ILRUN: variants seen among roughly 807,000 people sequenced by gnomAD.
ILRUN encodes the protein inflammation and lipid regulator with UBA-like and NBR1-like domains, also known as protein ILRUN.
Under a neutral mutation model 33.8 loss-of-function variants are expected in ILRUN, and 3 were observed. The observed-to-expected ratio is 0.09, with a 90% confidence interval of 0.04 to 0.23. ILRUN has a LOEUF of 0.23. Ranked by LOEUF, ILRUN falls within the 10% of genes least tolerant of loss-of-function variation. The pLI is 1.00. For synonymous variants in ILRUN, 124 were observed against 138.9 expected, an observed-to-expected ratio of 0.89 and a Z score of 0.75; for missense variants, 210 against 375.1, an observed-to-expected ratio of 0.56 and a Z score of 3.64.
At chr6:34,609,804 A>G (rs1404722448) in intron 3 of ILRUN, among the ~76,000 whole-genome samples, 1 of 152,106 alleles carries the variant, frequency 6.6e-6, no homozygotes, top group African/African-American at 2.4e-5. Context: ...AATTAAAGCC[A>G]CCAGCAGCAG....
At chr6:34,614,683 C>T (rs1326640246) in intron 3 of ILRUN, among the ~76,000 whole-genome samples, 3 of 151,572 alleles carry the variant, frequency 2.0e-5, no homozygotes, top group East Asian at 3.9e-4. Context: ...CCTTGTGATT[C>T]GCTTCCAAAA....
chr6:34,663,564 TG>T (rs1562023683), intron 1 of ILRUN, among the ~76,000 whole-genome samples: 1 of 152,168 alleles, frequency 6.6e-6, no homozygotes, highest in Non-Finnish European at 1.5e-5. Flanking sequence ...TTGCCCAGAC[TG>T]GTTTTGAACT....
intron 2 of ILRUN, among the ~76,000 whole-genome samples, chr6:34,648,113 T>C (rs968648309): frequency 1.7e-4 from 26 of 152,238 alleles, no homozygotes; most frequent in African/African-American, 6.0e-4. Flanking sequence ...AGATGTGATT[T>C]TTCCTGTGAA....
At chr6:34,619,008 C>G (rs1761955693) in intron 3 of ILRUN, among the ~76,000 whole-genome samples, 1 of 152,038 alleles carries the variant, frequency 6.6e-6, no homozygotes, top group Non-Finnish European at 1.5e-5. Context: ...CAGTAGAGTA[C>G]TAAGGACAAA....
rs554347504 is a variant in ILRUN, at chr6:34,682,466, G to T, written c.158+13980C>A. On this transcript the variant is annotated intron_variant, in intron 1 of 4. Coordinates refer to ENST00000374023, the MANE Select transcript of ILRUN (RefSeq NM_024294.4). ...GTAGAGACACGGTTTCACCATATTA[G>T]CCAGGACGGTCTCGATCTCCTGACC... Among the ~76,000 whole-genome samples the T allele has an allele frequency of 3.3e-5, 5 of 150,948 alleles. No individual in the cohort carries two copies. The East Asian group carries it at 7.9e-4, about 24-fold the overall frequency.
Position 34,674,891 on chromosome 6 carries a change from C to T in ILRUN, c.159-20112G>A, listed in dbSNP as rs118055370. On this transcript the variant is annotated intron_variant, in intron 1 of 4. Coordinates refer to ENST00000374023, the MANE Select transcript of ILRUN (RefSeq NM_024294.4). The stretch of plus-strand genomic sequence containing the variant: ...CATGAGCAAGTTGGTGAGATCCCCC[C>T]ATCTCCACACACATACACACAAAAA... Among the ~76,000 whole-genome samples the T allele has an allele frequency of 2.9e-4, 44 of 152,162 alleles. No individual in the cohort carries two copies. In the East Asian group the frequency reaches 7.7e-3, roughly 27 times the overall value.
At chr6:34,676,107 G>C (rs1763223731) in intron 1 of ILRUN, among the ~76,000 whole-genome samples, 1 of 152,118 alleles carries the variant, frequency 6.6e-6, no homozygotes, top group South Asian at 2.1e-4. Context: ...TAAAAATCAA[G>C]TTTGAGAACA....
intron 1 of ILRUN, among the ~76,000 whole-genome samples, chr6:34,694,427 G>C (rs186289625): frequency 6.6e-6 from 1 of 152,162 alleles, no homozygotes; most frequent in African/African-American, 2.4e-5. Context: ...CCAGAGGTGG[G>C]AAGCAGTCAG....
At chr6:34,653,800 C>A (rs1762716488) in intron 2 of ILRUN, among the ~76,000 whole-genome samples, 1 of 151,828 alleles carries the variant, frequency 6.6e-6, no homozygotes, top group South Asian at 2.1e-4. Flanking sequence ...CAGGAAGACT[C>A]CATCTCTACA....
At chr6:34,590,701 G>T in intron 4 of ILRUN, 101 bp from the exon 5 acceptor site, 1 of 883,218 alleles carries the variant, frequency 1.1e-6, no homozygotes, top group Non-Finnish European at 1.9e-6. Flanking sequence ...TCACAAGGAA[G>T]CCCCAATCCA....
At chr6:34,596,346 C>T (rs1275495110) in intron 4 of ILRUN, among the ~76,000 whole-genome samples, 4 of 152,302 alleles carry the variant, frequency 2.6e-5, no homozygotes, top group African/African-American at 9.6e-5. Flanking sequence ...CAACCTCCAC[C>T]TCCTGGGTTC....
intron 4 of ILRUN, among the ~76,000 whole-genome samples, chr6:34,606,244 T>C (rs1014243703): frequency 2.0e-5 from 3 of 152,174 alleles, no homozygotes; most frequent in Admixed American, 6.5e-5. Flanking sequence ...GAATAAATAA[T>C]TGAGCAACAT....
rs1562033308 is a variant in ILRUN, at chr6:34,683,505, T to TATATACAC, written c.158+12940_158+12941insGTGTATAT. Among the ~76,000 whole-genome samples, 694 of 101,246 alleles carry TATATACAC rather than the reference T, an allele frequency of 6.9e-3. 8 individuals are homozygous for TATATACAC. Among genetic ancestry groups the TATATACAC allele is most frequent in the Non-Finnish European group, 8.5e-3 (474 of 55,510 alleles). The allele number at this position is 101,246 out of a possible 152,430, so 66.4% of individuals were successfully genotyped here. On this transcript the variant is annotated intron_variant, in intron 1 of 4. Transcript: ENST00000374023. ...ATATATACATATATATATACATATA[T>TATATACAC]ATATATATACATATATATATATACA...
rs145224162 is a variant in ILRUN at position 34,590,160 on chromosome 6, G to A, written c.*405C>T. The A allele has an allele frequency of 6.0e-5, 10 of 167,756 alleles. No individual in the cohort carries two copies. The East Asian group carries it at 1.4e-3, about 23-fold the overall frequency. 10.4% of individuals were successfully genotyped at this position (167,756 alleles called of 1,614,324 possible). A position where few individuals can be genotyped will look rare whatever the true frequency, so the allele number is the denominator to read the frequency against. ...TCCCTTATTTAAAAAAATAAAAGTG[G>A]GGAAAGAGGGAAAAAAATTAACATG... On this transcript the variant is annotated 3_prime_UTR_variant, in exon 5 of 5. Coordinates refer to ENST00000374023, the MANE Select transcript of ILRUN (RefSeq NM_024294.4).
chr6:34,667,938 T>C (rs994496640), intron 1 of ILRUN, among the ~76,000 whole-genome samples: 6 of 152,320 alleles, frequency 3.9e-5, no homozygotes, highest in African/African-American at 1.4e-4. Context: ...AGGGCAATTC[T>C]GGGAACAAAT....
chr6:34,649,048 T>C (rs1762610674), intron 2 of ILRUN, among the ~76,000 whole-genome samples: 1 of 152,190 alleles, frequency 6.6e-6, no homozygotes, highest in South Asian at 2.1e-4. Flanking sequence ...ACACTGGCAT[T>C]TGGCTAGGGT....
At chr6:34,604,885 T>A (rs933316755) in intron 4 of ILRUN, among the ~76,000 whole-genome samples, 2 of 152,214 alleles carry the variant, frequency 1.3e-5, no homozygotes, top group Non-Finnish European at 1.5e-5. Context: ...TACTAGACCA[T>A]GTGAAAGAGG....
intron 1 of ILRUN, among the ~76,000 whole-genome samples, chr6:34,695,630 C>T (rs1432309122): frequency 1.3e-5 from 2 of 152,152 alleles, no homozygotes; most frequent in Non-Finnish European, 2.9e-5. Context: ...CTCTCCATTC[C>T]CAGCATTCTG....
At position 34,623,315 on chromosome 6, in the gene ILRUN, A is replaced by C. The variant is rs1182911314; in HGVS notation, c.512-16411T>G. Among the ~76,000 whole-genome samples the C allele has an allele frequency of 4.6e-5, 7 of 152,322 alleles. No homozygotes were observed. In the East Asian group the frequency reaches 1.3e-3, roughly 29 times the overall value. The stretch of plus-strand genomic sequence containing the variant: ...TGTTATTTGTTGAAGGCCAATCAGT[A>C]ATTTATTATGTGGCAGAATTAGAAG... On this transcript the variant is annotated intron_variant, in intron 3 of 4. Transcript: ENST00000374023.
Sources: gnomAD v4.1 joint callset for allele counts (sites outside exome capture counted in the v4.1 genomes callset) on GRCh38, gnomAD v4.1.1 for gene constraint, MANE v1.5 for transcripts, NCBI Gene and HGNC (gene_info 2026-07-23, HGNC 2026-07-21) for gene names.